The following EML4 variants were observed in gnomAD, a reference collection of about 807,000 sequenced individuals.
EML4 encodes EMAP like 4, also known as echinoderm microtubule-associated protein-like 4.
A neutral mutation model predicts 129.0 loss-of-function variants in EML4; 72 were observed. The observed-to-expected ratio is 0.56, with a 90% confidence interval of 0.46 to 0.68. EML4 has a LOEUF of 0.68. Ranked by LOEUF, EML4 falls within the 30% of genes least tolerant of loss-of-function variation. The pLI is 0.00. For synonymous variants in EML4, 532 were observed against 405.0 expected (o/e 1.31, Z -3.77); for missense variants, 1,363 against 1,190.6 (o/e 1.14, Z -2.13).
intron 1 of EML4, among the ~76,000 whole-genome samples, chr2:42,245,094 C>CTTTTTTTTTTTTGTTTT (rs1675303724): frequency 1.5e-5 from 1 of 66,562 alleles, no homozygotes. Flanking sequence ...AATTTTCTTT[C>CTTTTTTTTTTTTGTTTT]TTTTTTTTTT....
intron 11 of EML4, 36 bp from the exon 12 acceptor site, chr2:42,295,089 A>G (rs1667868104): frequency 2.2e-5 from 35 of 1,576,064 alleles, no homozygotes; most frequent in Non-Finnish European, 2.9e-5. Context: ...AGATAAGGAT[A>G]TACATTCATC....
chr2:42,307,159 C>T (rs13428118), intron 17 of EML4, among the ~76,000 whole-genome samples: 1 of 152,154 alleles, frequency 6.6e-6, no homozygotes, highest in Admixed American at 6.5e-5. Context: ...TGTGTGTTTA[C>T]AAATAGACAT....
chr2:42,294,828 G>A (rs1473999228), intron 11 of EML4, among the ~76,000 whole-genome samples: 8 of 151,984 alleles, frequency 5.3e-5, no homozygotes, highest in Non-Finnish European at 1.2e-4. Flanking sequence ...TCTTAAATTC[G>A]ACAGTTTTAA....
intron 10 of EML4, among the ~76,000 whole-genome samples, chr2:42,287,922 C>A (rs571406179): frequency 5.9e-5 from 9 of 151,998 alleles, no homozygotes; most frequent in Non-Finnish European, 1.0e-4. Flanking sequence ...GCATAAGATG[C>A]AGAAGGGACT....
chr2:42,193,888 G>A (rs1426031883), intron 1 of EML4, among the ~76,000 whole-genome samples: 1 of 152,014 alleles, frequency 6.6e-6, no homozygotes, highest in Admixed American at 6.6e-5. Context: ...ATCTCACTAT[G>A]TTGCCTGTAC....
At chr2:42,256,447 T>C in intron 2 of EML4, 54 bp from the exon 3 acceptor site, 1 of 1,524,964 alleles carries the variant, frequency 6.6e-7, no homozygotes, top group South Asian at 1.3e-5. Context: ...AAAATTTAGA[T>C]CTTTAAGGAA....
chr2:42,309,900 T>C (rs1455836571), intron 17 of EML4, among the ~76,000 whole-genome samples: 1 of 152,238 alleles, frequency 6.6e-6, no homozygotes, highest in Non-Finnish European at 1.5e-5. Context: ...TATCTGTTCT[T>C]TCTCTTGTTT....
At chr2:42,256,226 T>C (rs1334372254) in intron 2 of EML4, among the ~76,000 whole-genome samples, 2 of 152,188 alleles carry the variant, frequency 1.3e-5, no homozygotes, top group Admixed American at 6.5e-5. Context: ...GGCTGCTGTG[T>C]GTGGTAAAGC....
intron 1 of EML4, among the ~76,000 whole-genome samples, chr2:42,218,308 G>T (rs1673332766): frequency 6.6e-6 from 1 of 151,910 alleles, no homozygotes; most frequent in South Asian, 2.1e-4. Context: ...CCATCTAGTT[G>T]CAGGAAAACA....
chr2:42,201,918 C>A (rs892883425), intron 1 of EML4, among the ~76,000 whole-genome samples: 2 of 152,186 alleles, frequency 1.3e-5, no homozygotes, highest in Admixed American at 6.5e-5. Flanking sequence ...CCCATCTCTA[C>A]TAAAAATACA....
intron 17 of EML4, among the ~76,000 whole-genome samples, 156 bp from the exon 18 acceptor site, chr2:42,315,806 C>G (rs1165593484): frequency 6.6e-6 from 1 of 151,938 alleles, no homozygotes; most frequent in Non-Finnish European, 1.5e-5. Context: ...TAGTGTGAGC[C>G]CAGAAGTTCA....
Position 42,295,489 on chromosome 2 carries a change from G to C in EML4, c.1462G>C (p.Glu488Gln), listed in dbSNP as rs1667895396. The change falls in exon 13 of 23, where the codon GAG becomes CAG. Residue 488 changes from glutamate to glutamine, a missense_variant. Glu to Gln is a conservative substitution (Grantham distance 29). Transcript: ENST00000318522. ...GCTTATATGGAGCAAAACTACTGTA[G>C]AGCCCACACCTGGGAAAGGACCTAA... The part of the protein sequence containing the change: ...VMLIWSKTTV[E>Q]PTPGKGPKGV... The C allele has an allele frequency of 1.2e-6, 2 of 1,613,670 alleles. No homozygotes were observed. The highest frequency in any genetic ancestry group is 1.7e-6 in the Non-Finnish European group (2 of 1,179,880).
chr2:42,201,978 G>A (rs1430674481), intron 1 of EML4, among the ~76,000 whole-genome samples: 2 of 152,060 alleles, frequency 1.3e-5, no homozygotes, highest in Non-Finnish European at 2.9e-5. Context: ...AGCTCCTCAG[G>A]AGGCTGAGGC....
chr2:42,267,332 C>G (rs1287715039), intron 6 of EML4, among the ~76,000 whole-genome samples: 1 of 152,120 alleles, frequency 6.6e-6, no homozygotes, highest in East Asian at 1.9e-4. Context: ...AGTTGTATAG[C>G]TATTTTAGAA....
intron 13 of EML4, among the ~76,000 whole-genome samples, chr2:42,300,216 C>G (rs1420389450): frequency 6.6e-6 from 1 of 152,176 alleles, no homozygotes; most frequent in Non-Finnish European, 1.5e-5. Flanking sequence ...CAATAAGGTT[C>G]TACCTTCCCA....
chr2:42,257,894 A>G (rs911644596), intron 3 of EML4, among the ~76,000 whole-genome samples: 2 of 152,114 alleles, frequency 1.3e-5, no homozygotes, highest in African/African-American at 4.8e-5. Context: ...TCATTACAGA[A>G]TCTAGACTTT....
In EML4 at chr2:42,281,925, T is replaced by C. The variant is rs13032874; in HGVS notation, c.792-898T>C. On this transcript the variant is annotated intron_variant, in intron 7 of 22. Coordinates refer to ENST00000318522, the MANE Select transcript of EML4 (RefSeq NM_019063.5). ...GAATTATTCCCTTCTTAGGCAGATA[T>C]CAGCTTGGACACACTCACCAATCCT... 2.3e-3 allele frequency among the ~76,000 whole-genome samples: 356 copies of C among 152,336 alleles called. 3 individuals are homozygous for C. The highest frequency in any genetic ancestry group is 4.6e-3 in the Non-Finnish European group (310 of 68,022).
chr2:42,183,788 TC>T (rs1671090696), intron 1 of EML4, among the ~76,000 whole-genome samples: 1 of 152,152 alleles, frequency 6.6e-6, no homozygotes, highest in Non-Finnish European at 1.5e-5. Flanking sequence ...TTCAATAAAA[TC>T]TTTTTTTTCA....
chr2:42,219,081 A>G (rs773889741), intron 1 of EML4, among the ~76,000 whole-genome samples: 1 of 152,230 alleles, frequency 6.6e-6, no homozygotes, highest in Admixed American at 6.5e-5. Context: ...TTACACACCA[A>G]TGACTCTTGG....
Sources: allele counts gnomAD v4.1 joint callset (sites outside exome capture counted in the v4.1 genomes callset), GRCh38; gene constraint gnomAD v4.1.1; transcripts MANE v1.5; gene names NCBI Gene and HGNC (gene_info 2026-07-23, HGNC 2026-07-21).